MYBPC1: variants seen among roughly 807,000 people sequenced by gnomAD.
MYBPC1 encodes myosin binding protein C1.
MYBPC1 carries 52 observed loss-of-function variants against 147.1 expected under a neutral mutation model. The observed-to-expected ratio is 0.35, with a 90% CI of 0.28 to 0.45. The LOEUF (loss-of-function observed/expected upper bound fraction) is 0.45, where lower values mean the gene tolerates loss of function less well. Among genes scored for constraint, MYBPC1 ranks in the 20% least tolerant of loss-of-function variants. The pLI, the probability that MYBPC1 is intolerant of heterozygous loss-of-function variation, is 1.00. For missense variants in MYBPC1, 1,228 were observed against 1,440.3 expected (o/e 0.85, Z 2.39); for synonymous variants, 477 against 475.9 (o/e 1.00, Z -0.03).
intron 25 of MYBPC1, among the ~76,000 whole-genome samples, chr12:101,674,170 A>G (rs991885670): frequency 1.3e-5 from 2 of 152,238 alleles, no homozygotes; most frequent in Admixed American, 1.3e-4. Context: ...TGTGCTTTTT[A>G]GTGAAATCCT....
chr12:101,612,028 GGTCAC>G (rs1394316055), intron 1 of MYBPC1, among the ~76,000 whole-genome samples: 3 of 150,796 alleles, frequency 2.0e-5, no homozygotes, highest in Admixed American at 6.6e-5. Context: ...AGTGAGCCAA[GGTCAC>G]GCCACTGCAC....
At chr12:101,667,365 T>C (rs1186469353) in intron 22 of MYBPC1, among the ~76,000 whole-genome samples, 6 of 152,232 alleles carry the variant, frequency 3.9e-5, no homozygotes, top group Non-Finnish European at 5.9e-5. Context: ...TTAATGTGTA[T>C]AGATGACTAG....
intron 9 of MYBPC1, 105 bp from the exon 10 acceptor site, chr12:101,636,567 G>C (rs1891021417): frequency 1.1e-6 from 1 of 897,080 alleles, no homozygotes; most frequent in East Asian, 2.6e-5. Context: ...TTTAGTCCTT[G>C]TGTGGCACAA....
chr12:101,688,363 G>A (rs902298040), downstream of MYBPC1, among the ~76,000 whole-genome samples: 1 of 152,086 alleles, frequency 6.6e-6, no homozygotes, highest in African/African-American at 2.4e-5. Context: ...AGGTTGCAGT[G>A]AGCAAAGATT....
chr12:101,676,744 C>T (rs1900081429), intron 26 of MYBPC1, among the ~76,000 whole-genome samples: 1 of 143,794 alleles, frequency 7.0e-6, no homozygotes, highest in South Asian at 2.4e-4. Flanking sequence ...GAGTGAGATC[C>T]TGTCTCAAAA....
intron 8 of MYBPC1, 33 bp from the exon 9 acceptor site, chr12:101,634,521 G>T (rs371262248): frequency 1.3e-6 from 2 of 1,544,264 alleles, no homozygotes; most frequent in African/African-American, 2.7e-5. Context: ...TCCTTAATGG[G>T]TATTTATGTT....
chr12:101,688,572 A>G (rs557238626), downstream of MYBPC1, among the ~76,000 whole-genome samples: 6 of 150,768 alleles, frequency 4.0e-5, no homozygotes, highest in Admixed American at 2.6e-4. Context: ...CATTTTTAGA[A>G]TAATTCTGAA....
At chr12:101,666,637 T>G (rs920578303) in intron 22 of MYBPC1, 75 of 1,108,928 alleles carry the variant, frequency 6.8e-5, no homozygotes, top group Non-Finnish European at 1.0e-4. Context: ...CAAATCTCTT[T>G]GCACACTTTG....
In MYBPC1 at chr12:101,646,831, C is replaced by T. The variant is rs1262915144; in HGVS notation, c.1034C>T (p.Ser345Leu). 2 of 1,613,762 alleles carry T rather than the reference C, an allele frequency of 1.2e-6. No homozygotes were observed. The highest frequency in any genetic ancestry group is 1.3e-5 in the African/African-American group (1 of 75,028). The change falls in exon 13 of 32, where the codon TCA (serine) becomes TTA (leucine). Residue 345 changes from serine to leucine, a missense_variant. By Grantham distance (145) the Ser-to-Leu change is moderately radical (BLOSUM62 -2). Transcript: ENST00000361466. ...AATAACTGTCAGATGACAGATGATT[C>T]AGAGTATTATGTGACAGCCGGTGAT... ...FINNCQMTDD[S>L]EYYVTAGDEK...
intron 3 of MYBPC1, among the ~76,000 whole-genome samples, chr12:101,623,401 C>A (rs1159650302): frequency 6.6e-6 from 1 of 152,176 alleles, no homozygotes; most frequent in East Asian, 1.9e-4. Flanking sequence ...AACAAACCAT[C>A]ACATGTACCC....
intron 18 of MYBPC1, among the ~76,000 whole-genome samples, chr12:101,653,648 C>T (rs1016855772): frequency 7.2e-5 from 11 of 151,946 alleles, no homozygotes; most frequent in African/African-American, 2.7e-4. Context: ...TCAATGGCAG[C>T]CTCTGTGAAG....
intron 23 of MYBPC1, among the ~76,000 whole-genome samples, chr12:101,669,654 T>G (rs1195430494): frequency 6.6e-6 from 1 of 152,130 alleles, no homozygotes; most frequent in Non-Finnish European, 1.5e-5. Flanking sequence ...TATGAATAAC[T>G]GGCCAGACGC....
At chr12:101,677,549 A>T (rs376536217) in intron 27 of MYBPC1, among the ~76,000 whole-genome samples, 155 bp downstream of exon 27, 37 of 152,340 alleles carry the variant, frequency 2.4e-4, no homozygotes, top group African/African-American at 8.7e-4. Context: ...TTAATTTTAC[A>T]GGTAAAATTT....
intron 10 of MYBPC1, among the ~76,000 whole-genome samples, chr12:101,638,115 C>T (rs902701163): frequency 1.3e-5 from 2 of 152,146 alleles, no homozygotes; most frequent in African/African-American, 2.4e-5. Context: ...CCTGTGACTC[C>T]ATATTAAAGA....
intron 19 of MYBPC1, among the ~76,000 whole-genome samples, chr12:101,660,758 C>T (rs1412543513): frequency 6.6e-6 from 1 of 151,566 alleles, no homozygotes; most frequent in Non-Finnish European, 1.5e-5. Context: ...GGGGAGGCCT[C>T]ACAATCATGG....
intron 22 of MYBPC1, chr12:101,664,383 G>A (rs1392490848): frequency 6.6e-6 from 1 of 152,156 alleles, no homozygotes; most frequent in Non-Finnish European, 1.5e-5. Flanking sequence ...CTAGATGCTG[G>A]TAGGTAAACA....
chr12:101,609,557 C>T (rs1267226953), intron 1 of MYBPC1, among the ~76,000 whole-genome samples: 1 of 152,116 alleles, frequency 6.6e-6, no homozygotes, highest in East Asian at 1.9e-4. Flanking sequence ...CACCATGCAG[C>T]CTTGAAATTC....
intron 1 of MYBPC1, among the ~76,000 whole-genome samples, chr12:101,598,016 C>CTTTTT (rs34462251): frequency 4.9e-5 from 6 of 122,128 alleles, no homozygotes; most frequent in Non-Finnish European, 7.0e-5. Context: ...AATCACCTTT[C>CTTTTT]TTTTTTTTTT....
chr12:101,608,581 C>T (rs1160875389), intron 1 of MYBPC1, among the ~76,000 whole-genome samples: 1 of 152,156 alleles, frequency 6.6e-6, no homozygotes, highest in Non-Finnish European at 1.5e-5. Context: ...AAGGTGGGTG[C>T]CTCCCGACCA....
Sources: allele counts gnomAD v4.1 joint callset (sites outside exome capture counted in the v4.1 genomes callset), GRCh38; gene constraint gnomAD v4.1.1; transcripts MANE v1.5; gene names NCBI Gene and HGNC (gene_info 2026-07-23, HGNC 2026-07-21).